The following KLF8 variants were observed in gnomAD, a reference collection of about 807,000 sequenced individuals.
The protein encoded by KLF8 is Krueppel-like factor 8.
Under a neutral mutation model 18.2 loss-of-function variants are expected in KLF8, and 10 were observed. The observed-to-expected ratio is 0.55, with a 90% CI of 0.34 to 0.93. The LOEUF (loss-of-function observed/expected upper bound fraction) is 0.93, where lower values mean the gene tolerates loss of function less well. KLF8 is among the 40% of genes least tolerant of loss of function. The pLI is 0.02. For missense variants in KLF8, 264 were observed against 277.9 expected (o/e 0.95, Z 0.36); for synonymous variants, 109 against 97.3 (o/e 1.12, Z -0.71).
the KLF8 span, among the ~76,000 whole-genome samples, chrX:55,972,896 C>A: frequency 8.9e-6 from 1 of 111,951 alleles, no homozygotes; most frequent in Non-Finnish European, 1.9e-5. Context: ...AACAAAGAAC[C>A]TGAATAGCCA....
At chrX:55,913,911 A>G in the KLF8 span, among the ~76,000 whole-genome samples, 1 of 111,867 alleles carries the variant, frequency 8.9e-6, no homozygotes, top group Admixed American at 9.5e-5. Context: ...TGGCTGGAAA[A>G]ACAGCAAGGT....
intron 2 of KLF8, among the ~76,000 whole-genome samples, chrX:56,259,570 C>T (rs1271528321): frequency 9.1e-6 from 1 of 110,351 alleles, no homozygotes; most frequent in Non-Finnish European, 1.9e-5. Flanking sequence ...ACATAGAAAA[C>T]CCCAACTGTC....
At chrX:56,018,934 T>G in the KLF8 span, among the ~76,000 whole-genome samples, 1 of 111,217 alleles carries the variant, frequency 9.0e-6, no homozygotes, top group Admixed American at 9.6e-5. Context: ...CTCAGAAAAG[T>G]GACTAGGACA....
rs762922312 is a variant in KLF8 at position 56,276,485 on chromosome X, T to A, written c.898+6164T>A. 4.9e-3 allele frequency among the ~76,000 whole-genome samples: 544 copies of A among 111,439 alleles called. 6 individuals carry two copies. The highest frequency in any genetic ancestry group is 8.4e-3 in the Non-Finnish European group (447 of 53,089). Reference sequence around the variant, plus strand: ...TTGTTCATCTGGGAAAGTCTTTATTTCTCCTTCATGTTTGAAGGATATTTT... The same window carrying A: ...TTGTTCATCTGGGAAAGTCTTTATTACTCCTTCATGTTTGAAGGATATTTT... On this transcript the variant is annotated intron_variant, in intron 5 of 5. Coordinates refer to ENST00000468660, the MANE Select transcript of KLF8 (RefSeq NM_007250.5).
At chrX:56,239,199 C>A (rs1310543466) in intron 1 of KLF8, among the ~76,000 whole-genome samples, 2 of 111,654 alleles carry the variant, frequency 1.8e-5, no homozygotes, top group East Asian at 5.6e-4. Flanking sequence ...ATAATTGTTT[C>A]TCATCACACG....
chrX:56,165,858 CAAA>C, the KLF8 span, among the ~76,000 whole-genome samples: 2 of 62,813 alleles, frequency 3.2e-5, no homozygotes, highest in Non-Finnish European at 6.6e-5. Context: ...GACCCTGTCT[CAAA>C]AAAAAAAAAA....
At chrX:56,265,113 T>C (rs1054661431) in intron 2 of KLF8, 67 bp from the exon 3 acceptor site, 10 of 1,082,157 alleles carry the variant, frequency 9.2e-6, no homozygotes, top group Non-Finnish European at 1.2e-5. Context: ...CTTTTTTACA[T>C]TGCTTGCATG....
chrX:56,054,731 G>T, the KLF8 span, among the ~76,000 whole-genome samples: 4 of 111,579 alleles, frequency 3.6e-5, no homozygotes, highest in South Asian at 1.5e-3. Flanking sequence ...ACGTCTCTTT[G>T]AAGGTCTCTA....
At chrX:56,158,480 G>C in the KLF8 span, among the ~76,000 whole-genome samples, 10 of 111,711 alleles carry the variant, frequency 9.0e-5, no homozygotes, top group East Asian at 1.4e-3. Flanking sequence ...TTCCCTTGGG[G>C]AGTATGGCCA....
chrX:56,196,435 G>C, the KLF8 span, among the ~76,000 whole-genome samples: 6 of 111,219 alleles, frequency 5.4e-5, no homozygotes, highest in Admixed American at 5.7e-4. Context: ...AAATAAAATA[G>C]GAGTTGCAAT....
chrX:56,085,266 C>A, the KLF8 span, among the ~76,000 whole-genome samples: 5 of 111,383 alleles, frequency 4.5e-5, no homozygotes, highest in Non-Finnish European at 9.4e-5. Context: ...CACACACACA[C>A]CCCACATTAT....
chrX:56,179,585 G>A, the KLF8 span, among the ~76,000 whole-genome samples: 3 of 112,132 alleles, frequency 2.7e-5, no homozygotes, highest in Admixed American at 9.5e-5. Flanking sequence ...CAAAGGGAAT[G>A]CTTCCAGTTT....
chrX:56,139,011 C>T, the KLF8 span, among the ~76,000 whole-genome samples: 1 of 110,954 alleles, frequency 9.0e-6, no homozygotes, highest in Non-Finnish European at 1.9e-5. Flanking sequence ...TTTCTACACA[C>T]CAAAAACACC....
At chrX:56,279,996 G>A (rs767292992) in intron 5 of KLF8, among the ~76,000 whole-genome samples, 4 of 111,498 alleles carry the variant, frequency 3.6e-5, no homozygotes, top group African/African-American at 6.5e-5. Flanking sequence ...AGAGAGTGCC[G>A]TCTCTGTCTT....
At chrX:56,137,361 TC>T in the KLF8 span, among the ~76,000 whole-genome samples, 196 of 106,204 alleles carry the variant, frequency 1.8e-3, no homozygotes, top group African/African-American at 6.5e-3. Flanking sequence ...AACCCAAATG[TC>T]CAACAATGAT....
chrX:56,054,047 T>A, the KLF8 span, among the ~76,000 whole-genome samples: 141 of 111,497 alleles, frequency 1.3e-3, 1 homozygote, highest in Middle Eastern at 4.6e-3. Context: ...ACCTTTGGGG[T>A]TGGCTTTTTC....
At chrX:56,075,738 A>T in the KLF8 span, among the ~76,000 whole-genome samples, 1 of 111,744 alleles carries the variant, frequency 8.9e-6, no homozygotes, top group Non-Finnish European at 1.9e-5. Context: ...GTTAATTTTT[A>T]GATCTCACAA....
the KLF8 span, among the ~76,000 whole-genome samples, chrX:55,979,915 G>A: frequency 3.6e-5 from 4 of 111,984 alleles, no homozygotes; most frequent in Non-Finnish European, 7.5e-5. Context: ...AGGAAATAGA[G>A]TAGGTTCTGT....
chrX:55,915,329 A>G, the KLF8 span, among the ~76,000 whole-genome samples: 12 of 111,810 alleles, frequency 1.1e-4, no homozygotes, highest in Non-Finnish European at 1.9e-4. Flanking sequence ...TAGTTTGGCT[A>G]TACAATCTAC....
Sources: allele counts gnomAD v4.1 joint callset (sites outside exome capture counted in the v4.1 genomes callset), GRCh38; gene constraint gnomAD v4.1.1; transcripts MANE v1.5; gene names NCBI Gene and HGNC (gene_info 2026-07-23, HGNC 2026-07-21).